Variants in SCN10A observed in about 807,000 individuals in gnomAD.
SCN10A encodes the protein sodium voltage-gated channel alpha subunit 10, also known as sodium channel protein type 10 subunit alpha.
Under a neutral mutation model 170.7 loss-of-function variants are expected in SCN10A, and 162 were observed. The observed-to-expected ratio is 0.95, with a 90% CI of 0.84 to 1.08. SCN10A has a LOEUF of 1.08. Ranked by LOEUF, SCN10A falls within the 50% of genes least tolerant of loss-of-function variation. The pLI, the probability that SCN10A is intolerant of heterozygous loss-of-function variation, is 0.00. For synonymous variants in SCN10A, 985 were observed against 904.6 expected (o/e 1.09, Z -1.59); for missense variants, 2,527 against 2,436.9 (o/e 1.04, Z -0.78).
At chr3:38,699,414 C>T (rs1055792135) in intron 27 of SCN10A, among the ~76,000 whole-genome samples, 1 of 152,044 alleles carries the variant, frequency 6.6e-6, no homozygotes, top group Non-Finnish European at 1.5e-5. Flanking sequence ...TACCAAAGGC[C>T]TCCACCAAAG....
Position 38,697,306 on chromosome 3 carries a change from A to G in SCN10A, c.*43T>C. The G allele has an allele frequency of 6.3e-7, 1 of 1,598,306 alleles. No homozygotes were observed. The highest frequency in any genetic ancestry group is 8.5e-7 in the Non-Finnish European group (1 of 1,170,524). On this transcript the variant is annotated 3_prime_UTR_variant, in exon 28 of 28. Transcript: ENST00000449082. ...TGGGAAAGAGTTAACACAGAGCAGA[A>G]GGACGCATCATAACTGAACATATCC...
intron 4 of SCN10A, among the ~76,000 whole-genome samples, chr3:38,775,852 A>G (rs1309841787): frequency 6.6e-6 from 1 of 152,104 alleles, no homozygotes; most frequent in East Asian, 1.9e-4. Flanking sequence ...ATTGATTTGG[A>G]AACTGGTTTT....
chr3:38,736,978 T>TTG (rs1559433179), intron 15 of SCN10A, among the ~76,000 whole-genome samples: 4 of 109,396 alleles, frequency 3.7e-5, no homozygotes, highest in African/African-American at 1.5e-4. Context: ...TTTTTTTTTT[T>TTG]TTTTTTTTTT....
In SCN10A at chr3:38,792,114, C is replaced by T; in HGVS notation, c.325G>A (p.Ala109Thr). The T allele has an allele frequency of 6.2e-7, 1 of 1,613,768 alleles. No individual in the cohort carries two copies. The highest frequency in any genetic ancestry group is 8.5e-7 in the Non-Finnish European group (1 of 1,179,770). The part of the protein sequence containing the change: ...RTISRFSATR[A>T]LWLFSPFNLI... ...TTGAAAGGACTGAATAGCCACAGGG[C>T]CCGAGTGGCACTAAACCGGGAAATG... The change falls in exon 3 of 28, where the codon GCC (alanine) becomes ACC (threonine). Residue 109 changes from alanine (A) to threonine (T), a missense_variant. By Grantham distance (58) the Ala-to-Thr change is moderately conservative (BLOSUM62 0). Transcript: ENST00000449082.
At position 38,756,794 on chromosome 3, in the gene SCN10A, G is replaced by A; in HGVS notation, c.1170C>T (p.Asn390=). The A allele has an allele frequency of 6.2e-7, 1 of 1,614,182 alleles. No individual in the cohort carries two copies. The highest frequency in any genetic ancestry group is 1.3e-5 in the African/African-American group (1 of 75,038). The stretch of plus-strand genomic sequence containing the variant: ...CCATGGTGACTACAGCCAAGATCAA[G>A]TTGACCAGGTAGAAAGATCCCAGGA... ...VIFLGSFYLV[N]LILAVVTMAY... Residue 390 remains asparagine, a synonymous_variant, in exon 10 of 28, where the codon AAC becomes AAT. Coordinates refer to ENST00000449082, the MANE Select transcript of SCN10A (RefSeq NM_006514.4).
At chr3:38,781,435 T>C (rs1343803903) in intron 4 of SCN10A, among the ~76,000 whole-genome samples, 1 of 152,024 alleles carries the variant, frequency 6.6e-6, no homozygotes, top group South Asian at 2.1e-4. Context: ...GCCCAATTCT[T>C]CTCCACAACA....
chr3:38,804,114 A>G (rs1305940655), intron 1 of SCN10A, among the ~76,000 whole-genome samples: 2 of 152,246 alleles, frequency 1.3e-5, no homozygotes, highest in African/African-American at 2.4e-5. Flanking sequence ...TGTTCCCATA[A>G]CTTCATCTCT....
rs548866389 is a variant in SCN10A, at chr3:38,754,458, GA to G, written c.1461+1329del. ...GTTACAGCTCCTCTTTTTTCCCTTT[GA>G]AAGTAAGCATCACTGGAGAGACAAG... On this transcript the variant is annotated intron_variant, in intron 11 of 27. Coordinates refer to ENST00000449082, the MANE Select transcript of SCN10A (RefSeq NM_006514.4). Among the ~76,000 whole-genome samples the G allele has an allele frequency of 3.6e-3, 541 of 152,094 alleles. 4 individuals are homozygous for G. Among genetic ancestry groups the G allele is most frequent in the African/African-American group, 0.012 (507 of 41,488 alleles).
chr3:38,728,291 G>C (rs1375987026), intron 16 of SCN10A, among the ~76,000 whole-genome samples: 1 of 151,014 alleles, frequency 6.6e-6, no homozygotes, highest in African/African-American at 2.4e-5. Context: ...CACCCACCTA[G>C]TAAATGGTGG....
At chr3:38,755,279 C>T (rs531378087) in intron 11 of SCN10A, among the ~76,000 whole-genome samples, 12 of 151,836 alleles carry the variant, frequency 7.9e-5, no homozygotes, top group South Asian at 2.1e-4. Context: ...AAAACCACCT[C>T]GACGCATCAG....
chr3:38,721,454 G>C (rs545194304), intron 20 of SCN10A, among the ~76,000 whole-genome samples: 2 of 152,316 alleles, frequency 1.3e-5, no homozygotes, highest in African/African-American at 4.8e-5. Context: ...CTGTGTCTAT[G>C]TCTACCTTGG....
At position 38,713,714 on chromosome 3, in the gene SCN10A, C is replaced by T. The variant is rs143727515; in HGVS notation, c.3804+244G>A. ...GAAGTTTTTTGTTTGTTTTTTGAGG[C>T]GGAGTCTCGCTCTGTCACCCAGGCT... On this transcript the variant is annotated intron_variant, in intron 22 of 27. Coordinates refer to ENST00000449082, the MANE Select transcript of SCN10A (RefSeq NM_006514.4). 1.9e-3 allele frequency among the ~76,000 whole-genome samples: 282 copies of T among 152,070 alleles called. 6 individuals are homozygous for T. Among genetic ancestry groups the T allele is most frequent in the Admixed American group, 0.015 (235 of 15,284 alleles).
At chr3:38,802,084 T>C (rs551479198) in intron 1 of SCN10A, among the ~76,000 whole-genome samples, 3 of 152,292 alleles carry the variant, frequency 2.0e-5, no homozygotes, top group Admixed American at 2.0e-4. Flanking sequence ...AGATAGAAAC[T>C]TAGGAGTCTT....
intron 16 of SCN10A, among the ~76,000 whole-genome samples, chr3:38,727,724 A>G (rs1054826718): frequency 6.6e-6 from 1 of 152,114 alleles, no homozygotes; most frequent in African/African-American, 2.4e-5. Context: ...AAGTTGGTTG[A>G]TGTCCAGGGC....
In SCN10A at chr3:38,761,177, A is replaced by T. The variant is rs751715959; in HGVS notation, c.883+15T>A. ...CCAACCAGACCTTGGTCCCTATGGAAGAGACTCCACTCACGTTTTCTGTGA... is the reference window on the plus strand; with the variant it reads ...CCAACCAGACCTTGGTCCCTATGGATGAGACTCCACTCACGTTTTCTGTGA... On this transcript the variant is annotated intron_variant, in intron 7 of 27. Transcript: ENST00000449082. 3 of 1,582,942 alleles carry T rather than the reference A, an allele frequency of 1.9e-6. No homozygotes were observed. Among genetic ancestry groups the T allele is most frequent in the African/African-American group, 2.7e-5 (2 of 74,774 alleles).
intron 1 of SCN10A, among the ~76,000 whole-genome samples, chr3:38,811,634 A>G (rs7630045): frequency 1.3e-5 from 2 of 152,172 alleles, no homozygotes; most frequent in African/African-American, 4.8e-5. Flanking sequence ...TGTCTGATTT[A>G]GCATCAAAAC....
intron 1 of SCN10A, among the ~76,000 whole-genome samples, chr3:38,797,930 G>A (rs762476878): frequency 1.4e-4 from 22 of 152,260 alleles, no homozygotes; most frequent in African/African-American, 5.3e-4. Flanking sequence ...TTTCAACATT[G>A]GGGTGGGAAT....
intron 4 of SCN10A, among the ~76,000 whole-genome samples, chr3:38,776,789 A>C (rs780784061): frequency 1.8e-4 from 28 of 152,052 alleles, no homozygotes; most frequent in Non-Finnish European, 4.0e-4. Flanking sequence ...AGTTTATGAA[A>C]GAAGATTACA....
chr3:38,745,230 T>C (rs2063673869), intron 13 of SCN10A, among the ~76,000 whole-genome samples: 1 of 152,182 alleles, frequency 6.6e-6, no homozygotes, highest in Non-Finnish European at 1.5e-5. Flanking sequence ...GCTTAAAACA[T>C]GACCATGGCC....
Sources: allele counts gnomAD v4.1 joint callset (sites outside exome capture counted in the v4.1 genomes callset), GRCh38; gene constraint gnomAD v4.1.1; transcripts MANE v1.5; gene names NCBI Gene and HGNC (gene_info 2026-07-23, HGNC 2026-07-21).